The following NFYC variants were observed in gnomAD, a reference collection of about 807,000 sequenced individuals.
NFYC encodes the protein nuclear transcription factor Y subunit gamma, also known as CAAT box DNA-binding protein subunit C.
Under a neutral mutation model 53.1 loss-of-function variants are expected in NFYC, and 25 were observed. That is an observed-to-expected ratio of 0.47 (90% CI 0.34 to 0.66). NFYC has a LOEUF of 0.66. NFYC is among the 30% of genes least tolerant of loss of function. The pLI is 0.01. For synonymous variants in NFYC, 145 were observed against 152.6 expected (o/e 0.95, Z 0.37); for missense variants, 260 against 422.7 (o/e 0.62, Z 3.38).
intron 1 of NFYC, among the ~76,000 whole-genome samples, chr1:40,732,711 G>C (rs1644826260): frequency 6.6e-6 from 1 of 152,162 alleles, no homozygotes; most frequent in African/African-American, 2.4e-5. Flanking sequence ...TTTCTGAAGA[G>C]GTTCTGACTT....
At chr1:40,718,843 A>G (rs1644231388) in intron 1 of NFYC, among the ~76,000 whole-genome samples, 1 of 152,116 alleles carries the variant, frequency 6.6e-6, no homozygotes, top group Admixed American at 6.5e-5. Flanking sequence ...ATATTTTTAG[A>G]TGAATCATGG....
intron 1 of NFYC, chr1:40,735,489 C>A: frequency 1.6e-6 from 1 of 640,762 alleles, no homozygotes; most frequent in Non-Finnish European, 1.9e-6. Flanking sequence ...AATTTAAAAG[C>A]AGACTGCACA....
In NFYC at chr1:40,758,417, G is replaced by A. The variant is rs1474853113; in HGVS notation, c.561+123G>A. 4.4e-6 allele frequency: 5 copies of A among 1,137,420 alleles called. No homozygotes were observed. In the Admixed American group the frequency reaches 9.1e-5, roughly 21 times the overall value. 70.5% of individuals were successfully genotyped at this position (1,137,420 alleles called of 1,614,324 possible). Reference sequence around the variant, plus strand: ...TATAGAGCACTGGATTTAAAGTCTGGAAACTGGAACTTTTCCCCAGATTCA... The same window carrying A: ...TATAGAGCACTGGATTTAAAGTCTGAAAACTGGAACTTTTCCCCAGATTCA... On this transcript the variant is annotated intron_variant, in intron 6 of 9. Coordinates refer to ENST00000447388, the MANE Select transcript of NFYC (RefSeq NM_014223.5).
chr1:40,715,408 C>A (rs1644097670), intron 1 of NFYC, among the ~76,000 whole-genome samples: 1 of 145,926 alleles, frequency 6.9e-6, no homozygotes, highest in Non-Finnish European at 1.5e-5. Context: ...AAAACAAAAA[C>A]TTTTTTTTTT....
chr1:40,717,880 A>G (rs1460071442), intron 1 of NFYC, among the ~76,000 whole-genome samples: 3 of 152,388 alleles, frequency 2.0e-5, no homozygotes, highest in Admixed American at 1.3e-4. Context: ...TGATCATTGT[A>G]GCACCAATGA....
chr1:40,756,649 G>A (rs1172653095), intron 5 of NFYC, among the ~76,000 whole-genome samples: 1 of 152,172 alleles, frequency 6.6e-6, no homozygotes, highest in Non-Finnish European at 1.5e-5. Context: ...CAGAGTCTTA[G>A]AGGTACCAAA....
At chr1:40,691,922 G>A in intron 1 of NFYC, 55 bp downstream of exon 1, 1 of 341,266 alleles carries the variant, frequency 2.9e-6, no homozygotes, top group South Asian at 2.1e-5. Context: ...CGGCGGCGGG[G>A]GGAGGGGCAG....
chr1:40,708,479 T>G (rs1247351620), intron 1 of NFYC, among the ~76,000 whole-genome samples: 2 of 152,222 alleles, frequency 1.3e-5, no homozygotes. Flanking sequence ...GATGATTGTA[T>G]TCACTAATGT....
intron 1 of NFYC, among the ~76,000 whole-genome samples, chr1:40,729,797 T>A (rs369390963): frequency 1.7e-4 from 26 of 152,006 alleles, no homozygotes; most frequent in African/African-American, 6.0e-4. Flanking sequence ...TGCCTCAGCT[T>A]CCCAAGTAGC....
intron 2 of NFYC, among the ~76,000 whole-genome samples, chr1:40,742,003 A>C (rs1645373004): frequency 6.6e-6 from 1 of 151,994 alleles, no homozygotes; most frequent in South Asian, 2.1e-4. Context: ...TCTTGGGCTC[A>C]AGGGACCCTT....
chr1:40,694,050 T>TG (rs11419988), intron 1 of NFYC, among the ~76,000 whole-genome samples: 118,529 of 152,194 alleles, frequency 0.78, 46,724 homozygotes, highest in African/African-American at 0.88. Context: ...TACAGAAACT[T>TG]GAAGAATCTG....
intron 1 of NFYC, among the ~76,000 whole-genome samples, chr1:40,705,944 C>G (rs865947004): frequency 6.6e-5 from 10 of 152,170 alleles, no homozygotes; most frequent in South Asian, 2.1e-4. Context: ...TGGGGTCTCA[C>G]TATGTTACCC....
At chr1:40,754,076 C>T (rs1646071175) in intron 5 of NFYC, among the ~76,000 whole-genome samples, 1 of 152,058 alleles carries the variant, frequency 6.6e-6, no homozygotes, top group African/African-American at 2.4e-5. Context: ...CAGAATCTCA[C>T]AGGAGCAAAG....
chr1:40,706,825 G>A (rs1265131213), intron 1 of NFYC, among the ~76,000 whole-genome samples: 2 of 152,204 alleles, frequency 1.3e-5, no homozygotes. Context: ...AGTGAGACTA[G>A]TAAGAATACT....
intron 6 of NFYC, among the ~76,000 whole-genome samples, chr1:40,760,964 C>T (rs1367561949): frequency 6.6e-6 from 1 of 152,150 alleles, no homozygotes; most frequent in African/African-American, 2.4e-5. Flanking sequence ...GGCTTTATCC[C>T]TTTACAGAAT....
intron 1 of NFYC, chr1:40,723,286 A>T (rs1644391400): frequency 6.6e-6 from 1 of 152,182 alleles, no homozygotes; most frequent in African/African-American, 2.4e-5. Flanking sequence ...TAAGAAAATG[A>T]TGCTTTGTTT....
At position 40,738,953 on chromosome 1, in the gene NFYC, G is replaced by A. The variant is rs2148610933; in HGVS notation, c.105+5G>A. 1.9e-6 allele frequency: 3 copies of A among 1,591,766 alleles called. No homozygotes were observed. The South Asian group carries it at 3.3e-5, about 18-fold the overall frequency. On this transcript the variant is annotated splice_donor_5th_base_variant and intron_variant, in intron 2 of 9. Coordinates refer to ENST00000447388, the MANE Select transcript of NFYC (RefSeq NM_014223.5). ...GAAATCCGGAATTTAACAGTGGTGA[G>A]GAAGAATGAGAAACTTTTATTAGAA...
chr1:40,720,615 CCAGCACTTTGG>C (rs1284330768), intron 1 of NFYC, among the ~76,000 whole-genome samples: 1 of 152,016 alleles, frequency 6.6e-6, no homozygotes, highest in Non-Finnish European at 1.5e-5. Flanking sequence ...ATCTGTAATC[CCAGCACTTTGG>C]CAGGCCAAAG....
Position 40,728,405 on chromosome 1 carries a change from T to TG in NFYC, c.-8-10429dup, listed in dbSNP as rs1444749079. On this transcript the variant is annotated intron_variant, in intron 1 of 9. Coordinates refer to ENST00000447388, the MANE Select transcript of NFYC (RefSeq NM_014223.5). ...TGAAATCAAGAGTTTGAGACCAGTCTGGCCAACGTGGCGAAACCCTGTCTT... is the reference window on the plus strand; with the variant it reads ...TGAAATCAAGAGTTTGAGACCAGTCTGGGCCAACGTGGCGAAACCCTGTCTT... Among the ~76,000 whole-genome samples, 3 of 151,978 alleles carry TG rather than the reference T, an allele frequency of 2.0e-5. No homozygotes were observed. In the East Asian group the frequency reaches 6.0e-4, roughly 30 times the overall value.
Sources: allele counts gnomAD v4.1 joint callset (sites outside exome capture counted in the v4.1 genomes callset), GRCh38; gene constraint gnomAD v4.1.1; transcripts MANE v1.5; gene names NCBI Gene and HGNC (gene_info 2026-07-23, HGNC 2026-07-21).